LY86: variants seen among roughly 807,000 people sequenced by gnomAD.
LY86 encodes MD-1, RP105-associated.
A neutral mutation model predicts 17.3 loss-of-function variants in LY86; 20 were observed. That is an observed-to-expected ratio of 1.15 (90% confidence interval 0.81 to 1.68). The LOEUF is 1.68. LY86 is among the 40% of genes most tolerant of loss of function. The pLI is 0.00. For synonymous variants in LY86, 74 were observed against 70.6 expected (o/e 1.05, Z -0.24); for missense variants, 200 against 191.9 (o/e 1.04, Z -0.25).
intron 3 of LY86, among the ~76,000 whole-genome samples, chr6:6,630,034 C>CA (rs973635254): frequency 3.3e-5 from 5 of 152,142 alleles, no homozygotes; most frequent in African/African-American, 1.2e-4. Flanking sequence ...AGTGTATACA[C>CA]AAAAAAACTC....
chr6:6,649,493 A>G lies in LY86; in HGVS notation c.353-132A>G, dbSNP rs945101742. 5 of 453,948 alleles carry G rather than the reference A, an allele frequency of 1.1e-5. No individual in the cohort carries two copies. In the African/African-American group the frequency reaches 1.1e-4, roughly 10 times the overall value. 28.1% of individuals were successfully genotyped at this position (453,948 alleles called of 1,614,324 possible). On this transcript the variant is annotated intron_variant, in intron 3 of 4. Coordinates refer to ENST00000230568, the MANE Select transcript of LY86 (RefSeq NM_004271.4). ...GGTAGGTGTAGATCAGGAAATGAAA[A>G]CATTTCTAGCAATAGCTGCTCTTAT... is the stretch of plus-strand genomic sequence containing the variant.
intron 1 of LY86, among the ~76,000 whole-genome samples, chr6:6,602,647 T>C (rs1306669155): frequency 6.6e-6 from 1 of 152,092 alleles, no homozygotes; most frequent in African/African-American, 2.4e-5. Context: ...GCCACCACTG[T>C]GGGTAACTGG....
intron 3 of LY86, among the ~76,000 whole-genome samples, chr6:6,649,027 C>A (rs1762147515): frequency 6.6e-6 from 1 of 152,182 alleles, no homozygotes; most frequent in Admixed American, 6.5e-5. Context: ...AAGAAACACC[C>A]AAGACTGGGT....
chr6:6,611,280 G>A (rs1761324815), intron 1 of LY86, among the ~76,000 whole-genome samples: 1 of 152,150 alleles, frequency 6.6e-6, no homozygotes, highest in Non-Finnish European at 1.5e-5. Context: ...TGCCTGAGTT[G>A]GTAGAAAAGA....
intron 3 of LY86, among the ~76,000 whole-genome samples, chr6:6,642,543 C>G (rs1762054449): frequency 6.6e-6 from 1 of 152,200 alleles, no homozygotes; most frequent in Non-Finnish European, 1.5e-5. Flanking sequence ...CCTTTAAGGC[C>G]CACTGGGATC....
In LY86 at chr6:6,610,762, CTA is replaced by C. The variant is rs1304035628; in HGVS notation, c.137-14162_137-14161del. On this transcript the variant is annotated intron_variant, in intron 1 of 4. Transcript: ENST00000230568. ...AGGACATACTGGTTTTGATGTCACACTATGAGCACAAATGGTGTAGAAATTCT... is the reference window on the plus strand; with the variant it reads ...AGGACATACTGGTTTTGATGTCACACTGAGCACAAATGGTGTAGAAATTCT... 2.6e-5 allele frequency among the ~76,000 whole-genome samples: 4 copies of C among 152,270 alleles called. No individual in the cohort carries two copies. In the East Asian group the frequency reaches 7.7e-4, roughly 29 times the overall value.
At chr6:6,607,769 G>A (rs573025380) in intron 1 of LY86, among the ~76,000 whole-genome samples, 10 of 151,898 alleles carry the variant, frequency 6.6e-5, no homozygotes, top group East Asian at 1.9e-4. Flanking sequence ...GCGTAGTGGC[G>A]GGTGCCTGTA....
chr6:6,626,104 G>GC, intron 2 of LY86, among the ~76,000 whole-genome samples, 189 bp from the exon 3 acceptor site: 1 of 152,178 alleles, frequency 6.6e-6, no homozygotes. Context: ...CATACGCAGG[G>GC]CCCCATCATA....
chr6:6,600,577 G>A (rs563414650), intron 1 of LY86, among the ~76,000 whole-genome samples: 151 of 106,902 alleles, frequency 1.4e-3, no homozygotes, highest in African/African-American at 5.2e-3. Context: ...GAGACAGAGT[G>A]AGACTCCATC....
intron 3 of LY86, among the ~76,000 whole-genome samples, chr6:6,633,042 TCAAG>T (rs1360229558): frequency 6.6e-6 from 1 of 152,218 alleles, no homozygotes; most frequent in Non-Finnish European, 1.5e-5. Flanking sequence ...TTCATTTTGT[TCAAG>T]CAGTTTCCTA....
chr6:6,589,585 TAAC>T (rs1370447522), intron 1 of LY86, among the ~76,000 whole-genome samples: 3 of 152,194 alleles, frequency 2.0e-5, no homozygotes, highest in Non-Finnish European at 4.4e-5. Context: ...AGGGCTGCCA[TAAC>T]AAACCACCAC....
chr6:6,595,283 AG>A (rs762118083), intron 1 of LY86, among the ~76,000 whole-genome samples: 13 of 147,418 alleles, frequency 8.8e-5, no homozygotes, highest in Non-Finnish European at 1.6e-4. Context: ...GATGAGGAAG[AG>A]GTGGGGAAGA....
chr6:6,605,337 A>G (rs1355673632), intron 1 of LY86, among the ~76,000 whole-genome samples: 1 of 152,198 alleles, frequency 6.6e-6, no homozygotes, highest in African/African-American at 2.4e-5. Context: ...TCTCTGGGAA[A>G]AGGTGATGAA....
At chr6:6,593,165 G>T (rs1760585053) in intron 1 of LY86, among the ~76,000 whole-genome samples, 1 of 152,248 alleles carries the variant, frequency 6.6e-6, no homozygotes, top group South Asian at 2.1e-4. Context: ...CCTGGGCCTT[G>T]CTCCCTTAGA....
At position 6,653,451 on chromosome 6, in the gene LY86, G is replaced by C. The variant is rs1294028129; in HGVS notation, c.406-1093G>C. Among the ~76,000 whole-genome samples the C allele has an allele frequency of 2.0e-5, 3 of 152,134 alleles. No homozygotes were observed. In the East Asian group the frequency reaches 5.8e-4, roughly 29 times the overall value. On this transcript the variant is annotated intron_variant, in intron 4 of 4. Transcript: ENST00000230568. ...CCAGAGCATTTTCCTCTCCAGATTC[G>C]TGTCTACAAACACATCACCGCTCCG... is the stretch of plus-strand genomic sequence containing the variant.
chr6:6,605,015 A>G (rs1761055631), intron 1 of LY86, among the ~76,000 whole-genome samples: 1 of 147,898 alleles, frequency 6.8e-6, no homozygotes. Flanking sequence ...ATTCAATAGT[A>G]AGTAAAAGAC....
intron 1 of LY86, among the ~76,000 whole-genome samples, chr6:6,600,435 C>CA (rs1390030397): frequency 1.3e-5 from 2 of 151,532 alleles, no homozygotes; most frequent in African/African-American, 2.4e-5. Context: ...ACTAAAAATA[C>CA]AAAAAATTAG....
chr6:6,646,316 G>A (rs1013927794), intron 3 of LY86, among the ~76,000 whole-genome samples: 6 of 152,128 alleles, frequency 3.9e-5, no homozygotes, highest in African/African-American at 9.7e-5. Context: ...TCTTAGCCAC[G>A]ATGCTTCGAA....
intron 1 of LY86, among the ~76,000 whole-genome samples, chr6:6,623,883 A>T (rs1368096362): frequency 6.6e-6 from 1 of 151,912 alleles, no homozygotes; most frequent in Non-Finnish European, 1.5e-5. Flanking sequence ...AAGAAATCTC[A>T]TGTTTAGATT....
Sources: allele counts gnomAD v4.1 joint callset (sites outside exome capture counted in the v4.1 genomes callset), GRCh38; gene constraint gnomAD v4.1.1; transcripts MANE v1.5; gene names NCBI Gene and HGNC (gene_info 2026-07-23, HGNC 2026-07-21).